ZNF521: variants seen among roughly 807,000 people sequenced by gnomAD.
ZNF521 encodes LYST-interacting protein 3.
ZNF521 carries 14 observed loss-of-function variants against 105.5 expected under a neutral mutation model. The ratio of observed to expected loss-of-function variants is 0.13; its 90% CI spans 0.09 to 0.21. The LOEUF (loss-of-function observed/expected upper bound fraction) is 0.21. ZNF521 is among the 10% of genes least tolerant of loss of function. The pLI, the probability that ZNF521 is intolerant of heterozygous loss-of-function variation, is 1.00. For synonymous variants in ZNF521, 635 were observed against 606.0 expected (o/e 1.05, Z -0.70); for missense variants, 1,233 against 1,629.7 (o/e 0.76, Z 4.19).
At chr18:25,339,884 A>G (rs1026512322) in intron 2 of ZNF521, among the ~76,000 whole-genome samples, 2 of 152,212 alleles carry the variant, frequency 1.3e-5, no homozygotes, top group South Asian at 2.1e-4. Flanking sequence ...AGCCTTTATC[A>G]TTACAACACC....
chr18:25,316,486 C>T (rs879617704), intron 3 of ZNF521, among the ~76,000 whole-genome samples: 4 of 151,772 alleles, frequency 2.6e-5, no homozygotes, highest in Non-Finnish European at 5.9e-5. Flanking sequence ...CAGTGGGAAG[C>T]CAACACTGGA....
chr18:25,280,801 C>G (rs968364721), intron 3 of ZNF521, among the ~76,000 whole-genome samples: 1 of 152,114 alleles, frequency 6.6e-6, no homozygotes, highest in Non-Finnish European at 1.5e-5. Flanking sequence ...GTTTTCCCAG[C>G]CTTCTAGGAA....
At chr18:25,129,262 AATAATT>A (rs1196450648) in intron 5 of ZNF521, among the ~76,000 whole-genome samples, 19 of 81,788 alleles carry the variant, frequency 2.3e-4, no homozygotes, top group Admixed American at 6.6e-4. Context: ...TAATAATAAT[AATAATT>A]ATTATTATTA....
chr18:25,120,595 A>AC (rs1567970581), intron 5 of ZNF521, among the ~76,000 whole-genome samples: 284 of 136,336 alleles, frequency 2.1e-3, no homozygotes, highest in African/African-American at 6.9e-3. Context: ...AAAAAAAAAA[A>AC]AAAAAAACCA....
intron 3 of ZNF521, among the ~76,000 whole-genome samples, chr18:25,231,194 GC>G (rs1433171150): frequency 6.6e-6 from 1 of 152,194 alleles, no homozygotes; most frequent in Non-Finnish European, 1.5e-5. Flanking sequence ...GTCTTTGTTA[GC>G]CAGCCAGGCT....
intron 7 of ZNF521, among the ~76,000 whole-genome samples, chr18:25,075,914 G>T (rs1047398263): frequency 6.6e-6 from 1 of 152,170 alleles, no homozygotes; most frequent in East Asian, 1.9e-4. Flanking sequence ...TGCAGTGTGT[G>T]TCAGAACACA....
intron 5 of ZNF521, among the ~76,000 whole-genome samples, chr18:25,111,497 C>T (rs758391569): frequency 5.9e-5 from 9 of 152,254 alleles, no homozygotes; most frequent in Non-Finnish European, 8.8e-5. Flanking sequence ...GAAATATCTG[C>T]GTTGGGTGTT....
At chr18:25,153,795 T>C (rs1207131509) in intron 5 of ZNF521, among the ~76,000 whole-genome samples, 1 of 152,194 alleles carries the variant, frequency 6.6e-6, no homozygotes, top group African/African-American at 2.4e-5. Context: ...AACCCATTCC[T>C]CTTCTCCTCC....
At chr18:25,285,173 T>G (rs1456846076) in intron 3 of ZNF521, among the ~76,000 whole-genome samples, 2 of 152,158 alleles carry the variant, frequency 1.3e-5, no homozygotes, top group African/African-American at 4.8e-5. Flanking sequence ...TGGATAAAGC[T>G]TCCCCTGGGG....
chr18:25,100,496 G>A (rs983860574), intron 5 of ZNF521, among the ~76,000 whole-genome samples: 1 of 150,418 alleles, frequency 6.6e-6, no homozygotes, highest in Non-Finnish European at 1.5e-5. Context: ...GGCACATGGG[G>A]GTGTTAAGGG....
chr18:25,291,112 T>C (rs1910992815), intron 3 of ZNF521, among the ~76,000 whole-genome samples: 4 of 152,210 alleles, frequency 2.6e-5, no homozygotes, highest in Admixed American at 2.6e-4. Context: ...TGCAGAATTC[T>C]ACCAAGATAT....
At chr18:25,202,560 G>A (rs2036011428) in intron 4 of ZNF521, 1 of 152,210 alleles carries the variant, frequency 6.6e-6, no homozygotes, top group African/African-American at 2.4e-5. Context: ...GGTTAAGAAT[G>A]TGTAAAAAGG....
chr18:25,290,889 A>G (rs1430290114), intron 3 of ZNF521, among the ~76,000 whole-genome samples: 1 of 152,160 alleles, frequency 6.6e-6, no homozygotes, highest in Non-Finnish European at 1.5e-5. Context: ...AAAGATGAAT[A>G]AATGAATTAA....
intron 3 of ZNF521, among the ~76,000 whole-genome samples, chr18:25,272,056 C>A (rs1308169724): frequency 6.6e-6 from 1 of 151,976 alleles, no homozygotes; most frequent in Admixed American, 6.6e-5. Context: ...AGAACTTAAA[C>A]AAATTTGCAA....
intron 3 of ZNF521, among the ~76,000 whole-genome samples, chr18:25,305,475 AT>A (rs971847032): frequency 3.3e-5 from 5 of 152,146 alleles, no homozygotes; most frequent in African/African-American, 1.2e-4. Context: ...AATTTTTAAT[AT>A]TTTGTATAGA....
intron 5 of ZNF521, among the ~76,000 whole-genome samples, chr18:25,135,628 G>T (rs1346635144): frequency 6.6e-6 from 1 of 152,184 alleles, no homozygotes; most frequent in East Asian, 1.9e-4. Context: ...CTAATGTGGA[G>T]CACAGCTAAT....
At chr18:25,090,250 T>A (rs1048359000) in intron 6 of ZNF521, among the ~76,000 whole-genome samples, 1 of 152,184 alleles carries the variant, frequency 6.6e-6, no homozygotes, top group African/African-American at 2.4e-5. Flanking sequence ...AGTGTTTGGG[T>A]TGGCAGAACT....
intron 5 of ZNF521, among the ~76,000 whole-genome samples, chr18:25,109,714 T>G (rs191896960): frequency 6.6e-6 from 1 of 152,310 alleles, no homozygotes; most frequent in Admixed American, 6.5e-5. Flanking sequence ...ATGTTGAGCA[T>G]TTTTGCATGT....
At chr18:25,221,543 C>G (rs1905727694) in intron 4 of ZNF521, among the ~76,000 whole-genome samples, 1 of 152,160 alleles carries the variant, frequency 6.6e-6, no homozygotes, top group Non-Finnish European at 1.5e-5. Flanking sequence ...CTGTGATTTT[C>G]TTTTCACTTC....
Sources: gnomAD v4.1 joint callset for allele counts (sites outside exome capture counted in the v4.1 genomes callset) on GRCh38, gnomAD v4.1.1 for gene constraint, MANE v1.5 for transcripts, NCBI Gene and HGNC (gene_info 2026-07-23, HGNC 2026-07-21) for gene names.